The following ZNF454 variants were observed in gnomAD, a reference collection of about 807,000 sequenced individuals.
The protein encoded by ZNF454 is zinc finger protein 454.
In ZNF454, 30 loss-of-function variants were observed where a neutral mutation model predicts 48.2. The ratio of observed to expected loss-of-function variants is 0.62; its 90% CI spans 0.47 to 0.84. The LOEUF is 0.84. ZNF454 is among the 40% of genes least tolerant of loss of function. The probability of loss-of-function intolerance (pLI) is 0.00; values close to 1 mark genes in which losing one functional copy is unlikely to be tolerated. For synonymous variants in ZNF454, 204 were observed against 211.4 expected (o/e 0.97, Z 0.30); for missense variants, 510 against 623.1 (o/e 0.82, Z 1.93).
At chr5:178,948,698 C>A (rs1285345374) in intron 4 of ZNF454, among the ~76,000 whole-genome samples, 1 of 152,096 alleles carries the variant, frequency 6.6e-6, no homozygotes, top group Non-Finnish European at 1.5e-5. Flanking sequence ...AGCAGTTAGC[C>A]AGTCAGACGT....
chr5:178,987,225 G>A, the ZNF454 span: 2 of 659,894 alleles, frequency 3.0e-6, no homozygotes, highest in Non-Finnish European at 2.8e-6. Flanking sequence ...TGCACGGTGG[G>A]TGGGAAAAGG....
At chr5:178,984,411 T>C in the ZNF454 span, among the ~76,000 whole-genome samples, 7 of 152,252 alleles carry the variant, frequency 4.6e-5, no homozygotes, top group South Asian at 2.1e-4. Flanking sequence ...GCAGGCGAAT[T>C]GAAGCCACAG....
intron 4 of ZNF454, among the ~76,000 whole-genome samples, chr5:178,950,899 G>A (rs543161555): frequency 4.2e-5 from 6 of 142,768 alleles, no homozygotes; most frequent in East Asian, 2.0e-4. Flanking sequence ...CGCTCTTGTT[G>A]TCCAGGCTGG....
intron 2 of ZNF454, among the ~76,000 whole-genome samples, chr5:178,945,073 G>A (rs1417408113): frequency 7.1e-6 from 1 of 141,532 alleles, no homozygotes; most frequent in Non-Finnish European, 1.5e-5. Flanking sequence ...GTGTGTGTGG[G>A]GGTATTTGTG....
At chr5:178,945,478 A>G (rs1222737783) in intron 2 of ZNF454, among the ~76,000 whole-genome samples, 4 of 126,078 alleles carry the variant, frequency 3.2e-5, no homozygotes, top group Non-Finnish European at 3.3e-5. Flanking sequence ...GTGTGTGTGT[A>G]TGTGGAGGGA....
chr5:178,960,139 C>T (rs188316636), intron 4 of ZNF454, among the ~76,000 whole-genome samples: 2 of 151,284 alleles, frequency 1.3e-5, no homozygotes, highest in East Asian at 4.1e-4. Flanking sequence ...TTTGTAGAGA[C>T]GAGGTTTCAC....
Position 178,946,888 on chromosome 5 carries a change from T to A in ZNF454, c.161-9T>A. On this transcript the variant is annotated splice_polypyrimidine_tract_variant and intron_variant, in intron 3 of 4. Coordinates refer to ENST00000519564, the MANE Select transcript of ZNF454 (RefSeq NM_001178089.3). The surrounding 1 kb of genome is among the most constrained non-coding windows in gnomAD (Gnocchi z 4.5). Reference sequence around the variant, plus strand: ...GATGTGGTTCATTTTTGTCTCCCCTTAAAAACAGGACTCTTAGGACCCAAA... The same window carrying A: ...GATGTGGTTCATTTTTGTCTCCCCTAAAAAACAGGACTCTTAGGACCCAAA... The A allele has an allele frequency of 6.2e-7, 1 of 1,612,722 alleles. No individual in the cohort carries two copies. Among genetic ancestry groups the A allele is most frequent in the Non-Finnish European group, 8.5e-7 (1 of 1,179,282 alleles).
chr5:178,973,582 G>A, the ZNF454 span, among the ~76,000 whole-genome samples: 7 of 152,116 alleles, frequency 4.6e-5, no homozygotes, highest in South Asian at 2.1e-4. Context: ...AGTGGCTCAC[G>A]CCTGTAATCC....
intron 4 of ZNF454, among the ~76,000 whole-genome samples, chr5:178,947,461 G>T (rs1163397070): frequency 6.6e-6 from 1 of 152,178 alleles, no homozygotes; most frequent in African/African-American, 2.4e-5. Context: ...TTGTCCACGT[G>T]GGTTATTTAT....
At chr5:178,949,737 C>T (rs544918898) in intron 4 of ZNF454, among the ~76,000 whole-genome samples, 3 of 152,270 alleles carry the variant, frequency 2.0e-5, no homozygotes, top group African/African-American at 7.2e-5. Flanking sequence ...CTGCCTCAGC[C>T]TCCCAAGTAG....
rs1372182287 is a variant in ZNF454, at chr5:178,965,459, G to T, written c.1055G>T (p.Gly352Val). ...SFLQHQRIHT[G>V]EKPFECNECG... ...CTTCAGCATCAGAGAATTCACACTG[G>T]AGAGAAACCCTTTGAATGTAATGAA... The change falls in exon 5 of 5, where the codon GGA becomes GTA. Residue 352 changes from glycine to valine, a missense_variant. Transcript: ENST00000519564. This position sits in a 1 kb window ranked among gnomAD's most constrained non-coding sequence, Gnocchi z 5.2. 2.5e-6 allele frequency: 4 copies of T among 1,614,030 alleles called. No homozygotes were observed. The highest frequency in any genetic ancestry group is 2.5e-6 in the Non-Finnish European group (3 of 1,180,026).
At chr5:178,984,600 C>A in the ZNF454 span, among the ~76,000 whole-genome samples, 1 of 152,082 alleles carries the variant, frequency 6.6e-6, no homozygotes, top group East Asian at 1.9e-4. Flanking sequence ...CTAAGCATCT[C>A]CACCTGAGGG....
the ZNF454 span, chr5:178,978,682 C>G: frequency 1.3e-5 from 2 of 152,164 alleles, no homozygotes; most frequent in Non-Finnish European, 2.9e-5. Context: ...ATGGAATAAG[C>G]CTCCAACCCA....
chr5:178,964,934 C>T lies in ZNF454; in HGVS notation c.530C>T (p.Ala177Val). The T allele has an allele frequency of 6.2e-7, 1 of 1,614,148 alleles. No individual in the cohort carries two copies. Among genetic ancestry groups the T allele is most frequent in the African/African-American group, 1.3e-5 (1 of 75,022 alleles). Residue 177 changes from alanine to valine, a missense_variant, in exon 5 of 5, where the codon GCC (alanine) becomes GTC (valine). Physicochemically the swap from Ala to Val is moderately conservative, Grantham distance 64. Coordinates refer to ENST00000519564, the MANE Select transcript of ZNF454 (RefSeq NM_001178089.3). The part of the protein sequence containing the change: ...QSQGFQPSKN[A>V]FECSECGKVF... ...CAGGGATTTCAACCTAGCAAAAATG[C>T]CTTTGAGTGTAGTGAGTGTGGAAAA... is the stretch of plus-strand genomic sequence containing the variant.
At chr5:178,989,593 A>C in the ZNF454 span, among the ~76,000 whole-genome samples, 10 of 151,378 alleles carry the variant, frequency 6.6e-5, no homozygotes, top group African/African-American at 9.7e-5. Flanking sequence ...GTGAGCTAGG[A>C]GTGGCCAGGT....
chr5:178,943,802 G>T (rs1433762792), intron 2 of ZNF454, among the ~76,000 whole-genome samples: 2 of 152,202 alleles, frequency 1.3e-5, no homozygotes, highest in African/African-American at 4.8e-5. Context: ...AAGGCCAGCG[G>T]ATCACGAGGT....
At chr5:178,976,267 C>T in the ZNF454 span, 30 of 302,436 alleles carry the variant, frequency 9.9e-5, no homozygotes, top group African/African-American at 6.3e-4. Context: ...GTCCACAGCA[C>T]ATCACCCTTT....
Position 178,941,537 on chromosome 5 carries a change from G to A in ZNF454, c.-108+93G>A. 3 of 456,162 alleles carry A rather than the reference G, an allele frequency of 6.6e-6. No individual in the cohort carries two copies. Among genetic ancestry groups the A allele is most frequent in the South Asian group, 3.1e-5 (2 of 64,500 alleles). The allele number at this position is 456,162 out of a possible 1,614,324, so 28.3% of individuals were successfully genotyped here. On this transcript the variant is annotated intron_variant, in intron 1 of 4. Coordinates refer to ENST00000519564, the MANE Select transcript of ZNF454 (RefSeq NM_001178089.3). This position sits in a 1 kb window ranked among gnomAD's most constrained non-coding sequence, Gnocchi z 5.5. ...GTCTGTGAGTGCCTGTGGAGGAGAT[G>A]GAGCCAGGGCCTCTGGCATGTGTCT... is the stretch of plus-strand genomic sequence containing the variant.
At chr5:178,973,566 G>A in the ZNF454 span, among the ~76,000 whole-genome samples, 12 of 152,246 alleles carry the variant, frequency 7.9e-5, no homozygotes, top group East Asian at 3.9e-4. Context: ...TGACTGGGCC[G>A]GGCGCAGTGG....
Sources: allele counts gnomAD v4.1 joint callset (sites outside exome capture counted in the v4.1 genomes callset), GRCh38; gene constraint gnomAD v4.1.1; non-coding constraint Gnocchi (gnomAD v3.1); transcripts MANE v1.5; gene names NCBI Gene and HGNC (gene_info 2026-07-23, HGNC 2026-07-21).